Variants in TRIM2 observed in about 807,000 individuals in gnomAD.
TRIM2 encodes tripartite motif containing 2.
In TRIM2, 20 loss-of-function variants were observed where a neutral mutation model predicts 75.2. The observed-to-expected ratio is 0.27, with a 90% CI of 0.19 to 0.39. TRIM2 has a LOEUF of 0.39. Ranked by LOEUF, TRIM2 falls within the 10% of genes least tolerant of loss-of-function variation. The pLI, the probability that TRIM2 is intolerant of heterozygous loss-of-function variation, is 1.00. For synonymous variants in TRIM2, 373 were observed against 388.3 expected (o/e 0.96, Z 0.46); for missense variants, 660 against 990.8 (o/e 0.67, Z 4.48).
chr4:153,310,378 G>T (rs1766005627), intron 6 of TRIM2: 1 of 152,138 alleles, frequency 6.6e-6, no homozygotes, highest in African/African-American at 2.4e-5. Flanking sequence ...AAATGAAACA[G>T]AATTTACTGA....
chr4:153,161,602 G>A (rs1729744523), intron 1 of TRIM2, among the ~76,000 whole-genome samples: 1 of 152,164 alleles, frequency 6.6e-6, no homozygotes, highest in East Asian at 1.9e-4. Context: ...TGCTCCCCTT[G>A]GAGTTCCCTG....
chr4:153,261,673 C>G (rs939738900), intron 1 of TRIM2, among the ~76,000 whole-genome samples: 1 of 152,154 alleles, frequency 6.6e-6, no homozygotes, highest in Non-Finnish European at 1.5e-5. Context: ...TGCCAGCTCC[C>G]TCCCCTTCTC....
rs1729819339 is a variant in TRIM2, at chr4:153,162,338, T to C, written c.-49+9068T>C. 2.0e-5 allele frequency among the ~76,000 whole-genome samples: 3 copies of C among 152,266 alleles called. No homozygotes were observed. The South Asian group carries it at 6.2e-4, about 32-fold the overall frequency. On this transcript the variant is annotated intron_variant, in intron 1 of 11. Transcript: ENST00000437508. The stretch of plus-strand genomic sequence containing the variant: ...TATGGAGATAGACAAGTCCAATCTG[T>C]AGGATGGGGCAGCATGCTAGAGACC...
chr4:153,258,385 C>G (rs1258471417), intron 1 of TRIM2, among the ~76,000 whole-genome samples: 1 of 149,508 alleles, frequency 6.7e-6, no homozygotes, highest in Non-Finnish European at 1.5e-5. Context: ...TAGCATTACA[C>G]AGGGAAAAGA....
At chr4:153,207,383 C>G (rs936025521) in intron 1 of TRIM2, among the ~76,000 whole-genome samples, 1 of 152,190 alleles carries the variant, frequency 6.6e-6, no homozygotes, top group Non-Finnish European at 1.5e-5. Flanking sequence ...TCAGACGAAC[C>G]TGGAGTCCAG....
At chr4:153,278,841 T>G (rs1468806273) in intron 3 of TRIM2, among the ~76,000 whole-genome samples, 1 of 151,282 alleles carries the variant, frequency 6.6e-6, no homozygotes, top group Non-Finnish European at 1.5e-5. Context: ...AAATGTTACC[T>G]CCATAAGTAA....
intron 6 of TRIM2, 132 bp from the exon 7 acceptor site, chr4:153,315,353 G>C: frequency 1.6e-6 from 1 of 641,878 alleles, no homozygotes; most frequent in Non-Finnish European, 2.6e-6. Flanking sequence ...GAGGGAGGGT[G>C]CCCTTTTTTT....
rs1772616748 is a variant in TRIM2 at position 153,337,768 on chromosome 4, A to T, written c.*2802A>T. On this transcript the variant is annotated 3_prime_UTR_variant, in exon 12 of 12. Transcript: ENST00000338700. ...TTTGATTTCTCTTTGTCAAGTGTAT[A>T]GAACCTGTCATACATTCATGATAAG... 1.0e-6 allele frequency: 1 copy of T among 985,760 alleles called. No homozygotes were observed. Among genetic ancestry groups the T allele is most frequent in the Non-Finnish European group, 1.2e-6 (1 of 829,942 alleles). The allele number at this position is 985,760 out of a possible 1,614,324, so 61.1% of individuals were successfully genotyped here. A position where few individuals can be genotyped will look rare whatever the true frequency, so the allele number is the denominator to read the frequency against.
intron 1 of TRIM2, among the ~76,000 whole-genome samples, chr4:153,210,256 G>C (rs567513108): frequency 2.6e-5 from 4 of 151,968 alleles, no homozygotes; most frequent in South Asian, 2.1e-4. Context: ...GGAGAGACAG[G>C]GTTTTGCCAC....
Position 153,314,320 on chromosome 4 carries a change from T to C in TRIM2, c.1511-1165T>C, listed in dbSNP as rs1189058829. Reference sequence around the variant, plus strand: ...CTGTAGTCCCAGCTACTTGGGAGGCTGAGGCAGGAGAATGGCGTGAACCCG... The same window carrying C: ...CTGTAGTCCCAGCTACTTGGGAGGCCGAGGCAGGAGAATGGCGTGAACCCG... On this transcript the variant is annotated intron_variant, in intron 6 of 11. Transcript: ENST00000338700. Among the ~76,000 whole-genome samples, 3 of 144,710 alleles carry C rather than the reference T, an allele frequency of 2.1e-5. No individual in the cohort carries two copies. The East Asian group carries it at 6.0e-4, about 29-fold the overall frequency. 94.9% of individuals were successfully genotyped at this position (144,710 alleles called of 152,430 possible).
chr4:153,225,580 T>G (rs975290431), intron 1 of TRIM2, among the ~76,000 whole-genome samples: 3 of 152,342 alleles, frequency 2.0e-5, no homozygotes, highest in African/African-American at 7.2e-5. Flanking sequence ...TTTAGTATTT[T>G]CTCTGGAAGA....
rs1170767009 is a variant in TRIM2, at chr4:153,335,830, C to T, written c.*864C>T. 4.1e-6 allele frequency: 4 copies of T among 985,666 alleles called. No individual in the cohort carries two copies. The highest frequency in any genetic ancestry group is 1.7e-5 in the African/African-American group (1 of 57,214). The allele number at this position is 985,666 out of a possible 1,614,324, so 61.1% of individuals were successfully genotyped here. On this transcript the variant is annotated 3_prime_UTR_variant, in exon 12 of 12. Transcript: ENST00000338700. ...TGTTTTCACACGTGTCTCTTCTCTT[C>T]GACTTCCTGAAAGCGAAAGCTTTAC... is the stretch of plus-strand genomic sequence containing the variant.
intron 6 of TRIM2, among the ~76,000 whole-genome samples, chr4:153,313,312 C>T (rs550200528): frequency 1.2e-4 from 18 of 152,232 alleles, no homozygotes; most frequent in Middle Eastern, 3.4e-3. Context: ...TTTTCTTTCA[C>T]GCTAGTGCGA....
At chr4:153,327,338 C>A (rs1034908447) in intron 10 of TRIM2, among the ~76,000 whole-genome samples, 4 of 152,112 alleles carry the variant, frequency 2.6e-5, no homozygotes, top group African/African-American at 9.7e-5. Flanking sequence ...AGGTACTTAC[C>A]TAAAAGTAAT....
chr4:153,221,141 T>C (rs943998157), intron 1 of TRIM2, among the ~76,000 whole-genome samples: 2 of 152,252 alleles, frequency 1.3e-5, no homozygotes, highest in Non-Finnish European at 2.9e-5. Context: ...ATTTATATAA[T>C]ATAACATTCT....
At chr4:153,307,129 C>A (rs887703669) in intron 6 of TRIM2, among the ~76,000 whole-genome samples, 2 of 152,084 alleles carry the variant, frequency 1.3e-5, no homozygotes, top group African/African-American at 4.8e-5. Flanking sequence ...TAGCTTAGAG[C>A]ATCTGTTGAT....
intron 6 of TRIM2, among the ~76,000 whole-genome samples, chr4:153,299,750 C>T (rs1763475985): frequency 6.6e-6 from 1 of 152,204 alleles, no homozygotes; most frequent in Non-Finnish European, 1.5e-5. Flanking sequence ...CCCCTGGTCA[C>T]CTGCTCTGAC....
chr4:153,242,991 A>G (rs971040231), intron 1 of TRIM2, among the ~76,000 whole-genome samples: 2 of 152,244 alleles, frequency 1.3e-5, no homozygotes, highest in Admixed American at 6.5e-5. Context: ...CAGGGGCCCC[A>G]GGGCCCGGGC....
At chr4:153,318,267 A>T (rs1222830642) in intron 8 of TRIM2, among the ~76,000 whole-genome samples, 1 of 152,232 alleles carries the variant, frequency 6.6e-6, no homozygotes, top group African/African-American at 2.4e-5. Flanking sequence ...TTTCCTTTTT[A>T]AAGTCTTCAG....
Sources: allele counts gnomAD v4.1 joint callset (sites outside exome capture counted in the v4.1 genomes callset), GRCh38; gene constraint gnomAD v4.1.1; transcripts MANE v1.5; gene names NCBI Gene and HGNC (gene_info 2026-07-23, HGNC 2026-07-21).